Variants in NEBL observed in about 807,000 individuals in gnomAD.
NEBL encodes the protein LIM and SH3 protein 2.
NEBL carries 122 observed loss-of-function variants against 140.2 expected under a neutral mutation model. That is an observed-to-expected ratio of 0.87 (90% CI 0.75 to 1.01). NEBL has a LOEUF of 1.01. NEBL is among the 50% of genes least tolerant of loss of function. The pLI, the probability that NEBL is intolerant of heterozygous loss-of-function variation, is 0.00. For synonymous variants in NEBL, 436 were observed against 398.9 expected, an observed-to-expected ratio of 1.09 and a Z score of -1.11; for missense variants, 1,365 against 1,231.3, an observed-to-expected ratio of 1.11 and a Z score of -1.62.
intron 2 of NEBL, among the ~76,000 whole-genome samples, chr10:21,054,011 C>T (rs992893982): frequency 9.6e-5 from 14 of 145,202 alleles, no homozygotes; most frequent in African/African-American, 2.6e-4. Flanking sequence ...CCAGCCTGGG[C>T]GACGAAGCAA....
At chr10:21,111,445 C>T (rs1838009390) in intron 2 of NEBL, among the ~76,000 whole-genome samples, 1 of 152,076 alleles carries the variant, frequency 6.6e-6, no homozygotes, top group Non-Finnish European at 1.5e-5. Flanking sequence ...CATGCATCTA[C>T]AACCATCTGA....
intron 19 of NEBL, among the ~76,000 whole-genome samples, chr10:20,820,573 C>T (rs1839205395): frequency 6.6e-6 from 1 of 152,178 alleles, no homozygotes; most frequent in South Asian, 2.1e-4. Context: ...CGCCTGTAAT[C>T]CTAACAGTTT....
chr10:21,149,898 T>C (rs992943118), intron 2 of NEBL, among the ~76,000 whole-genome samples: 1 of 152,236 alleles, frequency 6.6e-6, no homozygotes, highest in Non-Finnish European at 1.5e-5. Flanking sequence ...TTGCTTGGTA[T>C]GTGTGGGAAA....
intron 4 of NEBL, among the ~76,000 whole-genome samples, chr10:20,955,828 G>A (rs1436876880): frequency 6.6e-6 from 1 of 150,582 alleles, no homozygotes; most frequent in Non-Finnish European, 1.5e-5. Flanking sequence ...CAGTGAAACT[G>A]AAAAGAAAGG....
At chr10:20,787,329 C>A in intron 26 of NEBL, 21 bp from the exon 27 acceptor site, 1 of 1,574,882 alleles carries the variant, frequency 6.3e-7, no homozygotes, top group Non-Finnish European at 8.7e-7. Context: ...AACATACACA[C>A]ACACAAAGAT....
chr10:20,982,257 A>T (rs996828903), intron 3 of NEBL, among the ~76,000 whole-genome samples: 3 of 152,218 alleles, frequency 2.0e-5, no homozygotes, highest in South Asian at 4.1e-4. Flanking sequence ...TTTTTGACAG[A>T]TCCTCAGATG....
intron 3 of NEBL, among the ~76,000 whole-genome samples, chr10:21,223,192 C>T (rs973427127): frequency 3.9e-5 from 6 of 152,320 alleles, no homozygotes; most frequent in African/African-American, 1.4e-4. Flanking sequence ...CCACTTTCCC[C>T]CATCCCTGCT....
intron 2 of NEBL, among the ~76,000 whole-genome samples, chr10:21,110,438 C>G (rs901820834): frequency 2.6e-5 from 4 of 152,142 alleles, no homozygotes; most frequent in Non-Finnish European, 5.9e-5. Flanking sequence ...TATAGAGCTA[C>G]TCATAATATT....
intron 4 of NEBL, among the ~76,000 whole-genome samples, chr10:20,921,115 T>A (rs888170770): frequency 3.3e-5 from 5 of 152,074 alleles, no homozygotes; most frequent in Non-Finnish European, 7.4e-5. Context: ...ACCCAGAAAG[T>A]GAAGTTATGC....
chr10:21,272,269 T>C (rs1267046045), intron 1 of NEBL, among the ~76,000 whole-genome samples: 6 of 151,706 alleles, frequency 4.0e-5, no homozygotes, highest in East Asian at 1.9e-4. Flanking sequence ...CCGGCAAATA[T>C]AAAAAATTTT....
chr10:20,851,918 T>C (rs953789171), intron 10 of NEBL, among the ~76,000 whole-genome samples: 5 of 152,198 alleles, frequency 3.3e-5, no homozygotes, highest in Non-Finnish European at 7.3e-5. Context: ...TATTATGGAC[T>C]TTAAGTTCCA....
At chr10:21,022,788 G>A (rs1838850001) in intron 2 of NEBL, among the ~76,000 whole-genome samples, 1 of 152,078 alleles carries the variant, frequency 6.6e-6, no homozygotes, top group Non-Finnish European at 1.5e-5. Context: ...TATAACCGCT[G>A]GACTGTCAAG....
chr10:20,837,871 G>C (rs914757698), intron 13 of NEBL, among the ~76,000 whole-genome samples: 3 of 152,124 alleles, frequency 2.0e-5, no homozygotes, highest in Non-Finnish European at 4.4e-5. Flanking sequence ...ACAAAGCCTG[G>C]ATGACAGCAC....
Position 20,965,027 on chromosome 10 carries a change from C to A in NEBL, c.250-3248G>T, listed in dbSNP as rs574009090. ...TCTCATTGACTTCTATGCCCTGATT[C>A]TTCCTATGTATGTTACAAGATGTAA... On this transcript the variant is annotated intron_variant, in intron 3 of 6. Coordinates refer to the NEBL transcript ENST00000417816. 1.9e-4 allele frequency among the ~76,000 whole-genome samples: 29 copies of A among 152,346 alleles called. 1 individual carries two copies. In the South Asian group the frequency reaches 5.8e-3, roughly 30 times the overall value.
At chr10:21,097,401 G>T (rs929480876) in intron 2 of NEBL, among the ~76,000 whole-genome samples, 1 of 151,908 alleles carries the variant, frequency 6.6e-6, no homozygotes, top group African/African-American at 2.4e-5. Flanking sequence ...GGAGGTTGCA[G>T]TGAGCCGAGA....
At chr10:20,974,760 T>C (rs1043758019) in intron 3 of NEBL, among the ~76,000 whole-genome samples, 3 of 152,176 alleles carry the variant, frequency 2.0e-5, no homozygotes, top group East Asian at 1.9e-4. Context: ...TAAAATGACC[T>C]GTAAAATAAC....
Position 20,880,825 on chromosome 10 carries a change from T to G in NEBL, c.449A>C (p.His150Pro). 1 of 1,614,074 alleles carries G rather than the reference T, an allele frequency of 6.2e-7. No homozygotes were observed. Among genetic ancestry groups the G allele is most frequent in the Non-Finnish European group, 8.5e-7 (1 of 1,179,940 alleles). ...AHMKEPPEVK[H>P]AMEVNKHQSN... ...CTGGTGTTTATTGACCTCCATGGCA[T>G]GTTTAACCTCAGGGGGCTCCTTCAT... Residue 150 changes from histidine (H) to proline (P), a missense_variant, in exon 5 of 28, where the codon CAT (histidine) becomes CCT (proline). Physicochemically the swap from His to Pro is moderately conservative, Grantham distance 77. Around this residue, in one of 2 missense-constraint regions of NEBL, gnomAD observed 1,323 missense variants for 1,154.8 expected, o/e 1.15. Coordinates refer to ENST00000377122, the MANE Select transcript of NEBL (RefSeq NM_006393.3).
intron 2 of NEBL, among the ~76,000 whole-genome samples, chr10:21,142,468 A>G (rs546827513): frequency 1.2e-4 from 19 of 152,188 alleles, no homozygotes; most frequent in Non-Finnish European, 2.4e-4. Context: ...ACAAGCGAGC[A>G]CAGGAGTCAA....
intron 4 of NEBL, among the ~76,000 whole-genome samples, chr10:20,914,285 G>A (rs185959207): frequency 3.3e-5 from 5 of 152,306 alleles, no homozygotes; most frequent in Admixed American, 6.5e-5. Context: ...CTAAGAAAAC[G>A]TGTATTTGGA....
Sources: gnomAD v4.1 joint callset for allele counts (sites outside exome capture counted in the v4.1 genomes callset) on GRCh38, gnomAD v4.1.1 for gene constraint, gnomAD v4.1.1 regional missense constraint, MANE v1.5 for transcripts, NCBI Gene and HGNC (gene_info 2026-07-23, HGNC 2026-07-21) for gene names.